The following TMC5 variants were observed in gnomAD, a reference collection of about 807,000 sequenced individuals.
TMC5 encodes transmembrane channel like 5.
A neutral mutation model predicts 110.5 loss-of-function variants in TMC5; 86 were observed. The ratio of observed to expected loss-of-function variants is 0.78; its 90% CI spans 0.65 to 0.93. TMC5 has a LOEUF of 0.93. Among genes scored for constraint, TMC5 ranks in the 40% least tolerant of loss-of-function variants. TMC5 has a pLI of 0.00. For missense variants in TMC5, 1,144 were observed against 1,222.8 expected (o/e 0.94, Z 0.96); for synonymous variants, 455 against 439.5 (o/e 1.04, Z -0.44).
chr16:19,460,338 T>G lies in TMC5; in HGVS notation c.1148+4T>G. The G allele has an allele frequency of 2.5e-6, 4 of 1,598,208 alleles. No individual in the cohort carries two copies. Among genetic ancestry groups the G allele is most frequent in the Non-Finnish European group, 3.4e-6 (4 of 1,167,998 alleles). On this transcript the variant is annotated splice_donor_region_variant and intron_variant, in intron 6 of 21. Coordinates refer to ENST00000542583, the MANE Select transcript of TMC5 (RefSeq NM_001261841.2). ...TGGAAGAGAAAAGGAACCTTAGGTATGGACTAAAGGCTTTTCTTCTTTCTC... is the reference window on the plus strand; with the variant it reads ...TGGAAGAGAAAAGGAACCTTAGGTAGGGACTAAAGGCTTTTCTTCTTTCTC...
intron 1 of TMC5, among the ~76,000 whole-genome samples, chr16:19,426,368 G>A (rs1967088168): frequency 1.3e-5 from 2 of 152,308 alleles, no homozygotes; most frequent in South Asian, 4.1e-4. Context: ...GTAGAGAATA[G>A]GGAGGATCCC....
chr16:19,419,481 C>G (rs1464232378), intron 1 of TMC5, among the ~76,000 whole-genome samples: 1 of 126,736 alleles, frequency 7.9e-6, no homozygotes, highest in Non-Finnish European at 1.6e-5. Flanking sequence ...GGTGCGATCT[C>G]GGCGCATTGC....
Position 19,498,151 on chromosome 16 carries a change from C to G in TMC5, c.*185C>G, listed in dbSNP as rs556628783. The G allele has an allele frequency of 3.4e-6, 2 of 593,618 alleles. No homozygotes were observed. Among genetic ancestry groups the G allele is most frequent in the African/African-American group, 3.8e-5 (2 of 52,908 alleles). The allele number at this position is 593,618 out of a possible 1,614,324, so 36.8% of individuals were successfully genotyped here. ...TGGGCATTCCATGCTATTTTTAATA[C>G]CTGGATTGCTGATTTTTCAAGACAA... On this transcript the variant is annotated 3_prime_UTR_variant, in exon 22 of 22. Transcript: ENST00000542583.
chr16:19,446,311 G>T (rs1203431036), intron 4 of TMC5, among the ~76,000 whole-genome samples: 4 of 152,186 alleles, frequency 2.6e-5, no homozygotes, highest in Admixed American at 2.6e-4. Flanking sequence ...ATAAAGCAGG[G>T]ATACACATGT....
At chr16:19,465,330 T>C (rs1350835422) in intron 8 of TMC5, among the ~76,000 whole-genome samples, 3 of 152,056 alleles carry the variant, frequency 2.0e-5, no homozygotes, top group Non-Finnish European at 2.9e-5. Context: ...AGTCAGAAGT[T>C]GGAGACCAGC....
Position 19,464,952 on chromosome 16 carries a change from G to A in TMC5, c.1485+928G>A, listed in dbSNP as rs143094013. On this transcript the variant is annotated intron_variant, in intron 8 of 21. Transcript: ENST00000542583. The stretch of plus-strand genomic sequence containing the variant: ...TGCTTTTAAAAATAAACAGAGGATA[G>A]GATTGTACTATAAGCCCTTCTTTCT... 1.9e-3 allele frequency among the ~76,000 whole-genome samples: 279 copies of A among 143,528 alleles called. 2 individuals carry two copies. Among genetic ancestry groups the A allele is most frequent in the African/African-American group, 6.1e-3 (251 of 40,826 alleles). The allele number at this position is 143,528 out of a possible 152,430, so 94.2% of individuals were successfully genotyped here. A position where few individuals can be genotyped will look rare whatever the true frequency, so the allele number is the denominator to read the frequency against.
At chr16:19,413,402 T>C (rs1462474460), upstream of TMC5, among the ~76,000 whole-genome samples, 1 of 151,652 alleles carries the variant, frequency 6.6e-6, no homozygotes, top group African/African-American at 2.4e-5. Context: ...TGCATGCCTG[T>C]GGTTCCAGCT....
chr16:19,416,546 C>T (rs1043187344), upstream of TMC5, among the ~76,000 whole-genome samples: 2 of 152,146 alleles, frequency 1.3e-5, no homozygotes, highest in African/African-American at 4.8e-5. Flanking sequence ...CTTATCAACA[C>T]TAGGAGGAGG....
At chr16:19,462,517 C>A in intron 6 of TMC5, 4 of 702,050 alleles carry the variant, frequency 5.7e-6, no homozygotes. Context: ...GGAGGCCTCA[C>A]AATCACGACA....
intron 20 of TMC5, among the ~76,000 whole-genome samples, chr16:19,496,887 C>CAAAAAAAAA (rs67040638): frequency 1.2e-3 from 97 of 80,206 alleles, no homozygotes; most frequent in African/African-American, 4.6e-3. Flanking sequence ...AAGACTCTGT[C>CAAAAAAAAA]AAAAAAAAAA....
chr16:19,462,694 G>C, intron 6 of TMC5: 1 of 536,708 alleles, frequency 1.9e-6, no homozygotes, highest in East Asian at 3.3e-5. Context: ...GAGGTCAGGA[G>C]TTCAAGACCA....
chr16:19,413,523 CAAAAAAAAAAAAAAA>C (rs869158130), upstream of TMC5, among the ~76,000 whole-genome samples: 25 of 52,982 alleles, frequency 4.7e-4, 1 homozygote, highest in East Asian at 2.8e-3. Flanking sequence ...AACCCTGCCT[CAAAAAAAAAAAAAAA>C]AAAAAAAAAA....
At chr16:19,433,049 T>TATAC (rs756603781) in intron 2 of TMC5, among the ~76,000 whole-genome samples, 1 of 152,192 alleles carries the variant, frequency 6.6e-6, no homozygotes, top group Non-Finnish European at 1.5e-5. Context: ...TATGAAGTTA[T>TATAC]ATACATACAT....
chr16:19,468,743 A>C (rs968514222), intron 9 of TMC5, among the ~76,000 whole-genome samples: 13 of 152,304 alleles, frequency 8.5e-5, no homozygotes, highest in African/African-American at 2.6e-4. Flanking sequence ...CACCCTCTAG[A>C]AGCTGGAAAA....
At chr16:19,447,118 A>G (rs923702008) in intron 4 of TMC5, among the ~76,000 whole-genome samples, 4 of 152,228 alleles carry the variant, frequency 2.6e-5, no homozygotes, top group African/African-American at 9.6e-5. Flanking sequence ...GAGTCGTACA[A>G]TAAACAAGCA....
At chr16:19,412,524 C>T (rs1267952835) in intron 1 of TMC5, among the ~76,000 whole-genome samples, 1 of 152,126 alleles carries the variant, frequency 6.6e-6, no homozygotes, top group Non-Finnish European at 1.5e-5. Context: ...CACCACCAGG[C>T]CTGGCTAATT....
intron 5 of TMC5, among the ~76,000 whole-genome samples, chr16:19,454,766 G>C (rs1268047149): frequency 1.3e-5 from 2 of 152,226 alleles, no homozygotes; most frequent in Middle Eastern, 3.4e-3. Context: ...TAGATCTATT[G>C]GATAGGAATT....
At chr16:19,470,368 T>G (rs1597201692) in intron 10 of TMC5, among the ~76,000 whole-genome samples, 1 of 152,038 alleles carries the variant, frequency 6.6e-6, no homozygotes, top group South Asian at 2.1e-4. Flanking sequence ...TTTGAATTTT[T>G]TAGAGATGAG....
chr16:19,414,876 T>C (rs1476927518), upstream of TMC5, among the ~76,000 whole-genome samples: 33 of 152,014 alleles, frequency 2.2e-4, no homozygotes, highest in Admixed American at 2.2e-3. Context: ...GGAGACCCCA[T>C]CTTGACAAAA....
Sources: allele counts gnomAD v4.1 joint callset (sites outside exome capture counted in the v4.1 genomes callset), GRCh38; gene constraint gnomAD v4.1.1; transcripts MANE v1.5; gene names NCBI Gene and HGNC (gene_info 2026-07-23, HGNC 2026-07-21).